The following PREX1 variants were observed in gnomAD, a reference collection of about 807,000 sequenced individuals.
PREX1 encodes phosphatidylinositol-3,4,5-trisphosphate dependent Rac exchange factor 1.
Under a neutral mutation model 198.3 loss-of-function variants are expected in PREX1, and 41 were observed. The ratio of observed to expected loss-of-function variants is 0.21; its 90% CI spans 0.16 to 0.27. PREX1 has a LOEUF of 0.27. Ranked by LOEUF, PREX1 falls within the 10% of genes least tolerant of loss-of-function variation. PREX1 has a pLI of 1.00. For synonymous variants in PREX1, 843 were observed against 887.2 expected (o/e 0.95, Z 0.89); for missense variants, 1,620 against 2,200.7 (o/e 0.74, Z 5.28).
rs1040514204 is a variant in PREX1, at chr20:48,827,938, C to G, written c.-78G>C. ...AGGCGTCCAGGCGCCCCATCCCGGA[C>G]GGGGCGCGCCGGCGGGCCGGGCTCA... is the stretch of plus-strand genomic sequence containing the variant. On this transcript the variant is annotated 5_prime_UTR_variant, in exon 1 of 40. Coordinates refer to ENST00000371941, the MANE Select transcript of PREX1 (RefSeq NM_020820.4). The surrounding 1 kb of genome is among the most constrained non-coding windows in gnomAD (Gnocchi z 4.1). The G allele has an allele frequency of 1.7e-4, 89 of 515,508 alleles. No homozygotes were observed. The highest frequency in any genetic ancestry group is 2.1e-4 in the Non-Finnish European group (83 of 404,422). The allele number at this position is 515,508 out of a possible 1,614,324, so 31.9% of individuals were successfully genotyped here. A position where few individuals can be genotyped will look rare whatever the true frequency, so the allele number is the denominator to read the frequency against.
At chr20:48,819,702 G>A (rs535601913) in intron 1 of PREX1, among the ~76,000 whole-genome samples, 129 of 152,334 alleles carry the variant, frequency 8.5e-4, no homozygotes, top group South Asian at 4.6e-3. Flanking sequence ...TCCTTATTAT[G>A]ACAACTCTGG....
chr20:48,628,287 C>A (rs570815222), intron 37 of PREX1, among the ~76,000 whole-genome samples: 84 of 152,292 alleles, frequency 5.5e-4, no homozygotes, highest in African/African-American at 2.0e-3. Flanking sequence ...GAGTGGGGGA[C>A]TCCCTGGGAG....
intron 16 of PREX1, among the ~76,000 whole-genome samples, chr20:48,659,319 AAG>A (rs1162382009): frequency 6.9e-6 from 1 of 143,886 alleles, no homozygotes; most frequent in Admixed American, 6.9e-5. Flanking sequence ...GAAAAGAAAG[AAG>A]AGAGAGGAAG....
At chr20:48,734,743 TAAGGA>T in intron 3 of PREX1, 93 bp from the exon 4 acceptor site, 2 of 1,086,734 alleles carry the variant, frequency 1.8e-6, no homozygotes, top group Non-Finnish European at 2.8e-6. Flanking sequence ...AGGGTAGGGG[TAAGGA>T]CTACCCTGAC....
chr20:48,747,785 A>G (rs1182572560), intron 2 of PREX1, 24 bp downstream of exon 2: 3 of 1,599,490 alleles, frequency 1.9e-6, no homozygotes, highest in Non-Finnish European at 1.7e-6. Context: ...GCTCTAGAAC[A>G]GGGGCCAGCC....
chr20:48,748,312 A>G (rs1318313735), intron 1 of PREX1, among the ~76,000 whole-genome samples: 2 of 152,120 alleles, frequency 1.3e-5, no homozygotes, highest in African/African-American at 4.8e-5. Flanking sequence ...ATGGCTCAAA[A>G]GTCAAAAATA....
intron 6 of PREX1, among the ~76,000 whole-genome samples, chr20:48,703,687 G>A (rs2089887364): frequency 6.6e-6 from 1 of 152,124 alleles, no homozygotes; most frequent in Admixed American, 6.5e-5. Flanking sequence ...CACAGCCCTA[G>A]AACCCTGCTG....
At chr20:48,714,538 T>C (rs2089953133) in intron 5 of PREX1, among the ~76,000 whole-genome samples, 1 of 152,010 alleles carries the variant, frequency 6.6e-6, no homozygotes, top group South Asian at 2.1e-4. Flanking sequence ...TGTGGGAAAA[T>C]GCAAAACAAA....
chr20:48,779,950 A>G (rs1412790654), intron 1 of PREX1, among the ~76,000 whole-genome samples: 1 of 152,200 alleles, frequency 6.6e-6, no homozygotes, highest in Non-Finnish European at 1.5e-5. Flanking sequence ...ATAACTCTAC[A>G]TATGTGTTAA....
At chr20:48,733,708 T>TTGTTGTTGC (rs1348881897) in intron 4 of PREX1, among the ~76,000 whole-genome samples, 5 of 151,360 alleles carry the variant, frequency 3.3e-5, no homozygotes, top group Admixed American at 3.3e-4. Flanking sequence ...GTTGTTGCTG[T>TTGTTGTTGC]TGTTGTTGTT....
chr20:48,756,860 G>A (rs1306564568), intron 1 of PREX1, among the ~76,000 whole-genome samples: 1 of 152,210 alleles, frequency 6.6e-6, no homozygotes, highest in Non-Finnish European at 1.5e-5. Context: ...ACATGGCTGA[G>A]GAGGCCTCAC....
the PREX1 span, among the ~76,000 whole-genome samples, chr20:48,872,816 C>G: frequency 2.0e-5 from 3 of 152,042 alleles, no homozygotes; most frequent in African/African-American, 7.2e-5. Context: ...GGAAGGACAA[C>G]CTGTTCAAAC....
At chr20:48,740,027 G>T (rs973274840) in intron 3 of PREX1, among the ~76,000 whole-genome samples, 1 of 152,188 alleles carries the variant, frequency 6.6e-6, no homozygotes, top group Non-Finnish European at 1.5e-5. Flanking sequence ...GGGAAAGGGG[G>T]TGAGGGACTC....
chr20:48,790,191 G>T (rs60769047), intron 1 of PREX1, among the ~76,000 whole-genome samples: 2 of 152,196 alleles, frequency 1.3e-5, no homozygotes, highest in Non-Finnish European at 2.9e-5. Flanking sequence ...AAGGCAGCCA[G>T]AAGAAATAAG....
At chr20:48,829,206 A>T (rs1375735246), upstream of PREX1, among the ~76,000 whole-genome samples, 2 of 152,188 alleles carry the variant, frequency 1.3e-5, no homozygotes, top group African/African-American at 2.4e-5. Flanking sequence ...CTATTATTGC[A>T]TGTGTGAACG....
intron 1 of PREX1, among the ~76,000 whole-genome samples, chr20:48,755,308 T>C (rs186919247): frequency 3.3e-4 from 50 of 152,258 alleles, no homozygotes; most frequent in Admixed American, 1.2e-3. Context: ...TACAAGAAAC[T>C]ATGTAGGAAT....
At chr20:48,735,134 C>T (rs2090051281) in intron 3 of PREX1, among the ~76,000 whole-genome samples, 1 of 152,176 alleles carries the variant, frequency 6.6e-6, no homozygotes, top group African/African-American at 2.4e-5. Context: ...TCACTAGGTC[C>T]AGAACCATCA....
chr20:48,675,708 A>G (rs1027541056), intron 14 of PREX1, among the ~76,000 whole-genome samples: 3 of 152,224 alleles, frequency 2.0e-5, no homozygotes, highest in Non-Finnish European at 4.4e-5. Context: ...GCACAACATT[A>G]TCAATGAATT....
intron 3 of PREX1, among the ~76,000 whole-genome samples, chr20:48,738,685 G>A (rs1384590702): frequency 1.3e-5 from 2 of 152,174 alleles, no homozygotes; most frequent in Non-Finnish European, 2.9e-5. Flanking sequence ...GGGTTTGGGG[G>A]GAGAAGGGGA....
Sources: allele counts gnomAD v4.1 joint callset (sites outside exome capture counted in the v4.1 genomes callset), GRCh38; gene constraint gnomAD v4.1.1; non-coding constraint Gnocchi (gnomAD v3.1); transcripts MANE v1.5; gene names NCBI Gene and HGNC (gene_info 2026-07-23, HGNC 2026-07-21).